The following TSPAN14 variants were observed in gnomAD, a reference collection of about 807,000 sequenced individuals.
TSPAN14 encodes tetraspanin 14.
A neutral mutation model predicts 36.6 loss-of-function variants in TSPAN14; 16 were observed. The ratio of observed to expected loss-of-function variants is 0.44; its 90% confidence interval spans 0.30 to 0.66. The LOEUF (loss-of-function observed/expected upper bound fraction) is 0.66, where lower values mean the gene tolerates loss of function less well. TSPAN14 is among the 30% of genes least tolerant of loss of function. TSPAN14 has a pLI of 0.12. For missense variants in TSPAN14, 231 were observed against 355.1 expected (o/e 0.65, Z 2.81); for synonymous variants, 139 against 143.8 (o/e 0.97, Z 0.24).
intron 7 of TSPAN14, among the ~76,000 whole-genome samples, chr10:80,515,097 CTAAGA>C (rs1289389447): frequency 2.6e-5 from 4 of 152,212 alleles, no homozygotes; most frequent in East Asian, 1.9e-4. Flanking sequence ...CCTGAATGGA[CTAAGA>C]TAAGAACCTA....
intron 6 of TSPAN14, 48 bp from the exon 7 acceptor site, chr10:80,513,964 TAGCACCA>T: frequency 6.5e-7 from 1 of 1,549,008 alleles, no homozygotes; most frequent in Non-Finnish European, 8.9e-7. Flanking sequence ...TAGAGCCTCT[TAGCACCA>T]GCTTCTTGAG....
rs115500700 is a variant in TSPAN14, at chr10:80,470,398, C to G, written c.-18+16027C>G. ...CCAGCCTTTCCTGAATACTTTTGAT[C>G]CTGGTTGCTTGAATCTGAGGATGTG... is the stretch of plus-strand genomic sequence containing the variant. On this transcript the variant is annotated intron_variant, in intron 1 of 8. Coordinates refer to ENST00000429989, the Ensembl canonical transcript of TSPAN14. Among the ~76,000 whole-genome samples, 1,338 of 152,322 alleles carry G rather than the reference C, an allele frequency of 8.8e-3. 17 individuals carry two copies. Among genetic ancestry groups the G allele is most frequent in the African/African-American group, 0.031 (1,285 of 41,572 alleles).
At chr10:80,495,155 A>G (rs1848130718) in intron 2 of TSPAN14, among the ~76,000 whole-genome samples, 1 of 152,168 alleles carries the variant, frequency 6.6e-6, no homozygotes, top group Admixed American at 6.5e-5. Flanking sequence ...TGATTAGTTT[A>G]TGTAATACGC....
intron 1 of TSPAN14, among the ~76,000 whole-genome samples, chr10:80,473,682 TG>T (rs76637927): frequency 0.012 from 1,689 of 143,166 alleles, 27 homozygotes; most frequent in African/African-American, 0.039. Flanking sequence ...GCCACCATGA[TG>T]GGTTTTTTTT....
chr10:80,484,348 C>T (rs748817964), intron 1 of TSPAN14, among the ~76,000 whole-genome samples: 2 of 151,394 alleles, frequency 1.3e-5, no homozygotes, highest in African/African-American at 2.4e-5. Flanking sequence ...TTTTAAAGAC[C>T]GGGTCTTGCT....
In TSPAN14 at chr10:80,509,877, T is replaced by G; in HGVS notation, c.450+406T>G. 1.8e-5 allele frequency: 3 copies of G among 162,460 alleles called. No individual in the cohort carries two copies. The highest frequency in any genetic ancestry group is 4.1e-5 in the Non-Finnish European group (3 of 73,968). The allele number at this position is 162,460 out of a possible 1,614,324, so 10.1% of individuals were successfully genotyped here. A position where few individuals can be genotyped will look rare whatever the true frequency, so the allele number is the denominator to read the frequency against. Reference sequence around the variant, plus strand: ...ACCATCTGACGCTATTCCTATCCCCTTCCTCCCCGGGACCTTTTCCCCTTC... The same window carrying G: ...ACCATCTGACGCTATTCCTATCCCCGTCCTCCCCGGGACCTTTTCCCCTTC... On this transcript the variant is annotated intron_variant, in intron 5 of 8. Coordinates refer to ENST00000429989, the Ensembl canonical transcript of TSPAN14. The surrounding 1 kb of genome is among the most constrained non-coding windows in gnomAD (Gnocchi z 4.7).
At chr10:80,507,236 G>A in exon 4 of TSPAN14, 2 of 1,614,206 alleles carry the variant, frequency 1.2e-6, no homozygotes, top group African/African-American at 2.7e-5. Context: ...AGGGTGTGCT[G>A]TCCGACCTCA....
At chr10:80,470,960 T>C (rs1846516287) in intron 1 of TSPAN14, among the ~76,000 whole-genome samples, 1 of 152,202 alleles carries the variant, frequency 6.6e-6, no homozygotes, top group African/African-American at 2.4e-5. Context: ...TCCCTATCTT[T>C]AGGCACAGCT....
intron 1 of TSPAN14, among the ~76,000 whole-genome samples, chr10:80,486,498 G>A (rs1289196211): frequency 6.6e-6 from 1 of 152,236 alleles, no homozygotes; most frequent in Non-Finnish European, 1.5e-5. Flanking sequence ...TCATCAAGGA[G>A]GAAGGGGGAA....
intron 2 of TSPAN14, among the ~76,000 whole-genome samples, chr10:80,492,884 T>G (rs1847997744): frequency 6.6e-6 from 1 of 152,206 alleles, no homozygotes; most frequent in Non-Finnish European, 1.5e-5. Context: ...ACCTAATAGA[T>G]TTTTTTAAGC....
chr10:80,521,663 C>T (rs982449149), exon 9 of TSPAN14: 3 of 152,076 alleles, frequency 2.0e-5, no homozygotes, highest in African/African-American at 7.2e-5. Flanking sequence ...CTTTTTTGCT[C>T]CTTATCAAGT....
intron 2 of TSPAN14, among the ~76,000 whole-genome samples, chr10:80,491,466 G>T (rs901585499): frequency 6.6e-6 from 1 of 152,174 alleles, no homozygotes; most frequent in African/African-American, 2.4e-5. Context: ...TCCTCTCTGT[G>T]GGTGTGCTGC....
chr10:80,512,003 G>A, intron 5 of TSPAN14, 141 bp from the exon 6 acceptor site: 4 of 1,319,480 alleles, frequency 3.0e-6, no homozygotes, highest in African/African-American at 1.5e-5. Context: ...TCTGCACATG[G>A]GAGGTAGGGG....
At chr10:80,480,715 G>T (rs1338016877) in intron 1 of TSPAN14, among the ~76,000 whole-genome samples, 1 of 151,938 alleles carries the variant, frequency 6.6e-6, no homozygotes, top group Non-Finnish European at 1.5e-5. Flanking sequence ...TCACTCATAG[G>T]TGGGATTTGA....
chr10:80,511,996 G>C, intron 5 of TSPAN14, 148 bp from the exon 6 acceptor site: 1 of 1,270,464 alleles, frequency 7.9e-7, no homozygotes, highest in Non-Finnish European at 1.1e-6. Context: ...TAGCATCTCT[G>C]CACATGGGAG....
intron 1 of TSPAN14, among the ~76,000 whole-genome samples, chr10:80,477,864 G>C (rs564321293): frequency 1.3e-5 from 2 of 152,268 alleles, no homozygotes; most frequent in East Asian, 3.9e-4. Context: ...GGCCCTTATA[G>C]ATGAAAAGGG....
chr10:80,503,863 G>T (rs1840129894), intron 2 of TSPAN14, among the ~76,000 whole-genome samples: 1 of 152,114 alleles, frequency 6.6e-6, no homozygotes, highest in Non-Finnish European at 1.5e-5. Flanking sequence ...TGCCAGTGTG[G>T]TGTAAAGTAG....
intron 2 of TSPAN14, among the ~76,000 whole-genome samples, chr10:80,496,379 C>CT (rs1393972568): frequency 6.6e-6 from 1 of 152,200 alleles, no homozygotes; most frequent in African/African-American, 2.4e-5. Flanking sequence ...TATGCATACT[C>CT]TATGAACTGT....
intron 2 of TSPAN14, among the ~76,000 whole-genome samples, chr10:80,502,438 C>T (rs1358171644): frequency 2.6e-5 from 4 of 152,112 alleles, no homozygotes; most frequent in Admixed American, 2.6e-4. Flanking sequence ...GATCCAGACT[C>T]GAGTGGGTGG....
Sources: allele counts gnomAD v4.1 joint callset (sites outside exome capture counted in the v4.1 genomes callset), GRCh38; gene constraint gnomAD v4.1.1; non-coding constraint Gnocchi (gnomAD v3.1); transcripts MANE v1.5; gene names NCBI Gene and HGNC (gene_info 2026-07-23, HGNC 2026-07-21).